Variants in BLM observed in about 807,000 individuals in gnomAD.
BLM encodes recQ-like DNA helicase BLM.
BLM carries 95 observed loss-of-function variants against 135.3 expected under a neutral mutation model. The ratio of observed to expected loss-of-function variants is 0.70; its 90% CI spans 0.59 to 0.83. BLM has a LOEUF of 0.83. BLM is among the 40% of genes least tolerant of loss of function. The pLI is 0.00. For synonymous variants in BLM, 520 were observed against 589.2 expected (o/e 0.88, Z 1.70); for missense variants, 1,518 against 1,663.9 (o/e 0.91, Z 1.53).
chr15:90,788,663 C>A (rs143403195), intron 14 of BLM, among the ~76,000 whole-genome samples: 2 of 151,948 alleles, frequency 1.3e-5, no homozygotes, highest in East Asian at 3.9e-4. Context: ...AAAAACAATA[C>A]ATGATAAGGA....
chr15:90,808,018 A>G (rs1186820680), intron 19 of BLM, among the ~76,000 whole-genome samples: 7 of 152,190 alleles, frequency 4.6e-5, no homozygotes. Context: ...CTTAGAATTG[A>G]TGAAATTTGG....
intron 1 of BLM, among the ~76,000 whole-genome samples, chr15:90,729,406 A>G (rs1895007048): frequency 6.6e-6 from 1 of 152,220 alleles, no homozygotes; most frequent in Non-Finnish European, 1.5e-5. Flanking sequence ...TCATTGGGCT[A>G]AAGTCAAGGT....
rs1205301894 is a variant in BLM, at chr15:90,761,001, TAGAA to T, written c.1632_1635del (p.Arg545LysfsTer13). On this transcript the variant is annotated frameshift_variant, in exon 7 of 22. Transcript: ENST00000355112. LOFTEE classifies it high-confidence loss of function. ...AAACATACTGCTTCAATAAATGACTTAGAAAGAGAAACCCAACCTTCCTATGATA... is the reference window on the plus strand; with the variant it reads ...AAACATACTGCTTCAATAAATGACTTAGAGAAACCCAACCTTCCTATGATA... 6.2e-7 allele frequency: 1 copy of T among 1,608,616 alleles called. No individual in the cohort carries two copies. Among genetic ancestry groups the T allele is most frequent in the Non-Finnish European group, 8.5e-7 (1 of 1,178,046 alleles).
At chr15:90,719,153 A>G (rs1266595229) in intron 1 of BLM, among the ~76,000 whole-genome samples, 2 of 151,870 alleles carry the variant, frequency 1.3e-5, no homozygotes, top group South Asian at 2.1e-4. Flanking sequence ...CACCACGCCC[A>G]GCTAATTTTT....
intron 1 of BLM, among the ~76,000 whole-genome samples, chr15:90,717,865 C>T (rs1287052710): frequency 6.6e-6 from 1 of 152,206 alleles, no homozygotes; most frequent in African/African-American, 2.4e-5. Flanking sequence ...AGCTGGGCTA[C>T]TCTTGTTTTT....
chr15:90,809,966 G>A (rs988998465), intron 20 of BLM, among the ~76,000 whole-genome samples: 7 of 152,114 alleles, frequency 4.6e-5, no homozygotes, highest in South Asian at 4.1e-4. Context: ...AGACAGGCCC[G>A]GTTCAGTGTT....
intron 20 of BLM, 105 bp from the exon 21 acceptor site, chr15:90,811,100 A>G (rs1897403157): frequency 2.6e-6 from 3 of 1,158,126 alleles, no homozygotes; most frequent in South Asian, 2.5e-5. Flanking sequence ...GGAAGCAGCT[A>G]GGTATCTGCT....
At chr15:90,804,987 C>T (rs1244853193) in intron 19 of BLM, among the ~76,000 whole-genome samples, 2 of 152,162 alleles carry the variant, frequency 1.3e-5, no homozygotes, top group Non-Finnish European at 2.9e-5. Context: ...CAGGCATGTG[C>T]CACCACGCCC....
intron 1 of BLM, among the ~76,000 whole-genome samples, chr15:90,736,390 G>T (rs978118926): frequency 6.6e-6 from 1 of 151,924 alleles, no homozygotes; most frequent in African/African-American, 2.4e-5. Flanking sequence ...CTCTGGAGTA[G>T]CTGGGACCAC....
intron 12 of BLM, among the ~76,000 whole-genome samples, chr15:90,773,674 T>G (rs971617421): frequency 6.6e-6 from 1 of 152,160 alleles, no homozygotes; most frequent in Admixed American, 6.6e-5. Context: ...TCATCTACTT[T>G]CTGTCTCTGT....
rs28745018 is a variant in BLM, at chr15:90,727,408, A to G, written c.-5+9968A>G. 2.6e-5 allele frequency among the ~76,000 whole-genome samples: 4 copies of G among 152,264 alleles called. No homozygotes were observed. In the East Asian group the frequency reaches 7.7e-4, roughly 29 times the overall value. ...CATAGATATAACTTGTACGTGAATG[A>G]GCTAATATAGTAGGCCTGAAACTGT... is the stretch of plus-strand genomic sequence containing the variant. On this transcript the variant is annotated intron_variant, in intron 1 of 21. Coordinates refer to ENST00000355112, the MANE Select transcript of BLM (RefSeq NM_000057.4).
chr15:90,752,180 A>ATTT (rs753796274), intron 4 of BLM, among the ~76,000 whole-genome samples: 28 of 143,212 alleles, frequency 2.0e-4, no homozygotes, highest in Non-Finnish European at 2.5e-4. Flanking sequence ...TAGGTAGCTG[A>ATTT]TTTTTTTTTT....
intron 12 of BLM, 87 bp from the exon 13 acceptor site, chr15:90,782,734 AT>A: frequency 1.1e-5 from 11 of 1,026,010 alleles, no homozygotes; most frequent in Non-Finnish European, 1.6e-5. Context: ...GGGGGTTAGG[AT>A]TTTAGGGGGG....
At chr15:90,724,787 A>C (rs1894866296) in intron 1 of BLM, among the ~76,000 whole-genome samples, 5 of 152,038 alleles carry the variant, frequency 3.3e-5, no homozygotes, top group Admixed American at 3.3e-4. Context: ...ACCAACCTAG[A>C]AGCTCCCTGA....
rs960537215 is a variant in BLM, at chr15:90,742,963, T to A, written c.-4-4426T>A. ...TTTGAAAAATTCTTAATAGCCAGTT[T>A]TAAAGGTAATGCTTGAAGCTTACAT... On this transcript the variant is annotated intron_variant, in intron 1 of 21. Coordinates refer to ENST00000355112, the MANE Select transcript of BLM (RefSeq NM_000057.4). 7.2e-5 allele frequency among the ~76,000 whole-genome samples: 11 copies of A among 152,052 alleles called. 1 individual carries two copies. The highest frequency in any genetic ancestry group is 2.7e-4 in the African/African-American group (11 of 41,484).
At chr15:90,787,077 T>A (rs1345245122) in intron 14 of BLM, among the ~76,000 whole-genome samples, 1 of 107,750 alleles carries the variant, frequency 9.3e-6, no homozygotes, top group Non-Finnish European at 1.8e-5. Context: ...GAGACGGGAG[T>A]CTCACTCTGT....
At chr15:90,808,968 T>A (rs1031680227) in intron 19 of BLM, 169 bp from the exon 20 acceptor site, 14 of 844,526 alleles carry the variant, frequency 1.7e-5, no homozygotes, top group Non-Finnish European at 2.7e-5. Context: ...TGTGCCTGTC[T>A]GCTGCCTCTG....
chr15:90,743,842 A>G (rs1199809576), intron 1 of BLM, among the ~76,000 whole-genome samples: 1 of 152,208 alleles, frequency 6.6e-6, no homozygotes, highest in Admixed American at 6.5e-5. Flanking sequence ...ACTCATTACC[A>G]TACTTCAGAA....
intron 1 of BLM, among the ~76,000 whole-genome samples, chr15:90,734,215 G>T (rs577762169): frequency 6.6e-6 from 1 of 151,814 alleles, no homozygotes; most frequent in African/African-American, 2.4e-5. Flanking sequence ...TTTTATATAT[G>T]CTGAAAAAGC....
Sources: allele counts gnomAD v4.1 joint callset (sites outside exome capture counted in the v4.1 genomes callset), GRCh38; gene constraint gnomAD v4.1.1; transcripts MANE v1.5; gene names NCBI Gene and HGNC (gene_info 2026-07-23, HGNC 2026-07-21).